TBC1D17: variants seen among roughly 807,000 people sequenced by gnomAD.
TBC1D17 encodes TBC1 domain family member 17.
TBC1D17 carries 69 observed loss-of-function variants against 78.8 expected under a neutral mutation model. That is an observed-to-expected ratio of 0.88 (90% CI 0.72 to 1.07). The LOEUF (loss-of-function observed/expected upper bound fraction) is 1.07, where lower values mean the gene tolerates loss of function less well. Ranked by LOEUF, TBC1D17 falls within the 50% of genes least tolerant of loss-of-function variation. The pLI is 0.00. For synonymous variants in TBC1D17, 456 were observed against 358.3 expected, an observed-to-expected ratio of 1.27 and a Z score of -3.08; for missense variants, 957 against 861.0, an observed-to-expected ratio of 1.11 and a Z score of -1.39.
rs577531792 is a variant in TBC1D17, at chr19:49,882,651, T to C, written c.799-113T>C. On this transcript the variant is annotated intron_variant, in intron 7 of 16. Transcript: ENST00000221543. ...CCCGGAAGAGGCTGCTGCCTGCCCCTGAATGTTAGTCATCCGTCAAGCTAA... is the reference window on the plus strand; with the variant it reads ...CCCGGAAGAGGCTGCTGCCTGCCCCCGAATGTTAGTCATCCGTCAAGCTAA... 190 of 1,426,516 alleles carry C rather than the reference T, an allele frequency of 1.3e-4. 2 individuals are homozygous for C. The South Asian group carries it at 2.0e-3, about 15-fold the overall frequency. 88.4% of individuals were successfully genotyped at this position (1,426,516 alleles called of 1,614,324 possible).
At position 49,887,554 on chromosome 19, in the gene TBC1D17, A is replaced by C. The variant is rs1221709365; in HGVS notation, c.1523A>C (p.Asp508Ala). Residue 508 changes from aspartate to alanine, a missense_variant, in exon 14 of 17, where the codon GAT becomes GCT. By Grantham distance (126) the Asp-to-Ala change is moderately radical (BLOSUM62 -2). Transcript: ENST00000221543. Reference protein sequence around the residue: ...IWFKREFPFPDVLRLWEVLWT... With the variant: ...IWFKREFPFPAVLRLWEVLWT... ...TTCAAGAGGGAATTCCCCTTCCCGG[A>C]TGTCCTTCGGCTGTGGGAGGTGGGC... 3 of 1,614,102 alleles carry C rather than the reference A, an allele frequency of 1.9e-6. No individual in the cohort carries two copies. Among genetic ancestry groups the C allele is most frequent in the Non-Finnish European group, 2.5e-6 (3 of 1,180,002 alleles).
chr19:49,888,644 T>C lies in TBC1D17; in HGVS notation c.*20T>C. On this transcript the variant is annotated 3_prime_UTR_variant, in exon 17 of 17. Transcript: ENST00000221543. The stretch of plus-strand genomic sequence containing the variant: ...TCCTAACCCCGCCAGGCAGCCTCGT[T>C]CTGCACAGGCACTTTAGCCCGAGCC... 6.6e-7 allele frequency: 1 copy of C among 1,526,640 alleles called. No individual in the cohort carries two copies. Among genetic ancestry groups the C allele is most frequent in the South Asian group, 1.2e-5 (1 of 82,822 alleles). The allele number at this position is 1,526,640 out of a possible 1,614,324, so 94.6% of individuals were successfully genotyped here.
In TBC1D17 at chr19:49,880,421, C is replaced by T. The variant is rs759708660; in HGVS notation, c.319+19C>T. ...ACGAGAGGTAGGCTGAGGTGGCGGC[C>T]CTTGAGAAGCACGTGTGGGCCAGGT... On this transcript the variant is annotated intron_variant, in intron 4 of 16. Transcript: ENST00000221543. 6.2e-7 allele frequency: 1 copy of T among 1,611,672 alleles called. No homozygotes were observed. The highest frequency in any genetic ancestry group is 1.3e-5 in the African/African-American group (1 of 74,898).
At chr19:49,887,610 T>C (rs1252368946) in intron 14 of TBC1D17, 37 bp downstream of exon 14, 1 of 1,611,668 alleles carries the variant, frequency 6.2e-7, no homozygotes, top group African/African-American at 1.3e-5. Flanking sequence ...CCTGAAGGGG[T>C]GGGCTCACCT....
intron 5 of TBC1D17, 77 bp downstream of exon 5, chr19:49,881,552 GA>G: frequency 7.2e-7 from 1 of 1,392,150 alleles, no homozygotes; most frequent in East Asian, 2.4e-5. Flanking sequence ...TCGGGGCTGT[GA>G]AAGAAACACA....
At position 49,884,655 on chromosome 19, in the gene TBC1D17, A is replaced by G. The variant is rs774293833; in HGVS notation, c.1345-4A>G. The G allele has an allele frequency of 3.1e-6, 5 of 1,613,986 alleles. No individual in the cohort carries two copies. The Admixed American group carries it at 8.3e-5, about 27-fold the overall frequency. ...GCTCTTTCCCCCCTCCTTCCGTCCC[A>G]CAGCAAGGGAACTTTGAAGAGAGCC... On this transcript the variant is annotated splice_polypyrimidine_tract_variant and splice_region_variant and intron_variant, in intron 12 of 16. Transcript: ENST00000221543.
intron 4 of TBC1D17, 152 bp from the exon 5 acceptor site, chr19:49,881,116 T>G: frequency 7.7e-6 from 5 of 649,626 alleles, no homozygotes; most frequent in Non-Finnish European, 1.1e-5. Context: ...TACTCATTTG[T>G]GCTTCCAAGG....
chr19:49,883,781 G>A, intron 10 of TBC1D17, 36 bp downstream of exon 10: 1 of 1,577,316 alleles, frequency 6.3e-7, no homozygotes, highest in South Asian at 1.1e-5. Context: ...GTGGATGGGA[G>A]CAGGGAACCA....
rs1255925179 is a variant in TBC1D17 at position 49,888,664 on chromosome 19, C to T, written c.*40C>T. ...CTCGTTCTGCACAGGCACTTTAGCC[C>T]GAGCCAGGCACACCTGCGAGGGGGC... is the stretch of plus-strand genomic sequence containing the variant. On this transcript the variant is annotated 3_prime_UTR_variant, in exon 17 of 17. Coordinates refer to ENST00000221543, the MANE Select transcript of TBC1D17 (RefSeq NM_024682.3). The T allele has an allele frequency of 5.3e-6, 8 of 1,496,818 alleles. No homozygotes were observed. Among genetic ancestry groups the T allele is most frequent in the Middle Eastern group, 1.7e-4 (1 of 5,788 alleles). The allele number at this position is 1,496,818 out of a possible 1,614,324, so 92.7% of individuals were successfully genotyped here.
At chr19:49,883,135 C>T (rs1851473261) in intron 9 of TBC1D17, 59 bp downstream of exon 9, 3 of 1,487,762 alleles carry the variant, frequency 2.0e-6, no homozygotes, top group East Asian at 4.6e-5. Flanking sequence ...CCTAGGGCAC[C>T]AATGGGCAAG....
intron 15 of TBC1D17, 198 bp from the exon 16 acceptor site, chr19:49,888,033 G>A: frequency 9.9e-7 from 1 of 1,007,586 alleles, no homozygotes; most frequent in South Asian, 1.6e-5. Context: ...CGGGCAGGTG[G>A]GTGGGGACCT....
chr19:49,879,803 C>T (rs2122427169), intron 3 of TBC1D17, among the ~76,000 whole-genome samples: 2 of 150,548 alleles, frequency 1.3e-5, no homozygotes, highest in Admixed American at 6.6e-5. Context: ...GGCTCGCTCT[C>T]TGGCTGCATT....
intron 10 of TBC1D17, 133 bp downstream of exon 10, chr19:49,883,878 A>G: frequency 3.9e-6 from 3 of 764,356 alleles, no homozygotes; most frequent in Non-Finnish European, 4.4e-6. Flanking sequence ...CTTGGGGGAA[A>G]GCTGCATGGG....
At position 49,881,282 on chromosome 19, in the gene TBC1D17, T is replaced by A; in HGVS notation, c.334T>A (p.Cys112Ser). Residue 112 changes from cysteine (C) to serine (S), a missense_variant, in exon 5 of 17, where the codon TGC becomes AGC. Cys to Ser is a moderately radical substitution (Grantham distance 112). Coordinates refer to ENST00000221543, the MANE Select transcript of TBC1D17 (RefSeq NM_024682.3). ...CGTCTCCCTAGGTGCAGAGCCCAGCTGCCCCCAGGGCTCCTGGGCCTTCTC... is the reference window on the plus strand; with the variant it reads ...CGTCTCCCTAGGTGCAGAGCCCAGCAGCCCCCAGGGCTCCTGGGCCTTCTC... ...SEPTRGAEPS[C>S]PQGSWAFSVS... The A allele has an allele frequency of 1.2e-6, 2 of 1,612,874 alleles. No homozygotes were observed. Among genetic ancestry groups the A allele is most frequent in the Non-Finnish European group, 1.7e-6 (2 of 1,179,798 alleles).
At chr19:49,881,890 T>C in intron 5 of TBC1D17, 151 bp from the exon 6 acceptor site, 1 of 735,100 alleles carries the variant, frequency 1.4e-6, no homozygotes, top group Non-Finnish European at 2.4e-6. Flanking sequence ...GATCCAGCTG[T>C]GGGCCTCCTT....
In TBC1D17 at chr19:49,884,362, C is replaced by T. The variant is rs1224173602; in HGVS notation, c.1236C>T (p.Phe412=). Residue 412 remains phenylalanine (F), a synonymous_variant, in exon 11 of 17, where the codon TTC becomes TTT. Transcript: ENST00000221543. ...DILLTYCMYH[F]DLGYVQGMSD... Reference sequence around the variant, plus strand: ...TCCTCACCTACTGCATGTATCACTTCGACCTCGGTGGGTGCCAGGCCTGGG... The same window carrying T: ...TCCTCACCTACTGCATGTATCACTTTGACCTCGGTGGGTGCCAGGCCTGGG... 16 of 1,614,104 alleles carry T rather than the reference C, an allele frequency of 9.9e-6. No individual in the cohort carries two copies. Among genetic ancestry groups the T allele is most frequent in the Non-Finnish European group, 1.4e-5 (16 of 1,179,990 alleles).
chr19:49,882,301 C>T lies in TBC1D17; in HGVS notation c.699C>T (p.Phe233=), dbSNP rs914893125. The change falls in exon 7 of 17, where the codon TTC becomes TTT. Residue 233 remains phenylalanine, a synonymous_variant. Transcript: ENST00000221543. The part of the protein sequence containing the change: ...TFSSFSRVTN[F]FRGALQPQPE... ...GCAGCTTCTCCCGAGTGACCAACTT[C>T]TTCCGGGGTGCCCTGCAGCCACAGC... The T allele has an allele frequency of 6.2e-7, 1 of 1,612,222 alleles. No homozygotes were observed. The highest frequency in any genetic ancestry group is 8.5e-7 in the Non-Finnish European group (1 of 1,180,010).
Position 49,887,512 on chromosome 19 carries a change from G to A in TBC1D17, c.1481G>A (p.Arg494Gln), listed in dbSNP as rs769965199. The change falls in exon 14 of 17, where the codon CGG (arginine) becomes CAG (glutamine). Residue 494 changes from arginine to glutamine, a missense_variant. Physicochemically the swap from Arg to Gln is conservative, Grantham distance 43. Coordinates refer to ENST00000221543, the MANE Select transcript of TBC1D17 (RefSeq NM_024682.3). Reference sequence around the variant, plus strand: ...TCCGGCTCTCTCTGCTTCTGTTTCCGGTGGCTGCTCATCTGGTTCAAGAGG... The same window carrying A: ...TCCGGCTCTCTCTGCTTCTGTTTCCAGTGGCTGCTCATCTGGTTCAAGAGG... Reference protein sequence around the residue: ...QDSGSLCFCFRWLLIWFKREF... With the variant: ...QDSGSLCFCFQWLLIWFKREF... The A allele has an allele frequency of 3.1e-6, 5 of 1,614,124 alleles. No homozygotes were observed. Among genetic ancestry groups the A allele is most frequent in the Non-Finnish European group, 4.2e-6 (5 of 1,179,996 alleles).
At chr19:49,879,604 T>G (rs1376627920) in intron 3 of TBC1D17, 2 of 142,756 alleles carry the variant, frequency 1.4e-5, no homozygotes, top group Non-Finnish European at 3.1e-5. Flanking sequence ...GTTGTTATTG[T>G]TTTTTTTTTT....
Sources: gnomAD v4.1 joint callset for allele counts (sites outside exome capture counted in the v4.1 genomes callset) on GRCh38, gnomAD v4.1.1 for gene constraint, MANE v1.5 for transcripts, NCBI Gene and HGNC (gene_info 2026-07-23, HGNC 2026-07-21) for gene names.